The following RERE variants were observed in gnomAD, a reference collection of about 807,000 sequenced individuals.
RERE encodes arginine-glutamic acid dipeptide repeats.
RERE carries 40 observed loss-of-function variants against 146.1 expected under a neutral mutation model. The observed-to-expected ratio is 0.27, with a 90% CI of 0.21 to 0.36. RERE has a LOEUF of 0.36. Ranked by LOEUF, RERE falls within the 10% of genes least tolerant of loss-of-function variation. The pLI is 1.00. For synonymous variants in RERE, 1,003 were observed against 866.0 expected, an observed-to-expected ratio of 1.16 and a Z score of -2.78; for missense variants, 1,933 against 2,138.7, an observed-to-expected ratio of 0.90 and a Z score of 1.90.
intron 7 of RERE, among the ~76,000 whole-genome samples, chr1:8,534,578 A>G (rs1645699928): frequency 6.6e-6 from 1 of 152,202 alleles, no homozygotes; most frequent in Admixed American, 6.5e-5. Context: ...GCTTTAAAAT[A>G]TCATTCTCCA....
At chr1:8,687,665 A>C (rs1639120532) in intron 1 of RERE, among the ~76,000 whole-genome samples, 1 of 152,242 alleles carries the variant, frequency 6.6e-6, no homozygotes, top group African/African-American at 2.4e-5. Flanking sequence ...TAATGTGTTG[A>C]AAGAGATTAC....
intron 1 of RERE, among the ~76,000 whole-genome samples, chr1:8,754,941 T>C (rs1640607503): frequency 6.6e-6 from 1 of 152,242 alleles, no homozygotes; most frequent in African/African-American, 2.4e-5. Flanking sequence ...CAAGCCTCAA[T>C]AAACCCCTAA....
At chr1:8,749,796 G>A (rs191287327) in intron 1 of RERE, among the ~76,000 whole-genome samples, 1 of 152,260 alleles carries the variant, frequency 6.6e-6, no homozygotes, top group African/African-American at 2.4e-5. Flanking sequence ...GGGTTTTAAG[G>A]AAGAGAACGA....
chr1:8,767,349 T>G (rs1327524808), intron 1 of RERE, among the ~76,000 whole-genome samples: 1 of 152,208 alleles, frequency 6.6e-6, no homozygotes, highest in African/African-American at 2.4e-5. Flanking sequence ...ATGCCTGTAA[T>G]CCCAATACTT....
At chr1:8,551,451 C>T (rs935353756) in intron 6 of RERE, among the ~76,000 whole-genome samples, 1 of 152,220 alleles carries the variant, frequency 6.6e-6, no homozygotes, top group African/African-American at 2.4e-5. Context: ...CTAAGCTGAA[C>T]TCTTCTCCAT....
chr1:8,490,667 T>G (rs1222676334), intron 10 of RERE, among the ~76,000 whole-genome samples: 1 of 150,444 alleles, frequency 6.6e-6, no homozygotes, highest in Non-Finnish European at 1.5e-5. Context: ...AAAATCCTTA[T>G]GCCCAAAGAA....
chr1:8,404,462 T>C (rs1365477190), intron 12 of RERE, among the ~76,000 whole-genome samples: 1 of 152,026 alleles, frequency 6.6e-6, no homozygotes, highest in Non-Finnish European at 1.5e-5. Context: ...AGTCTCACTA[T>C]GTTCAGACTG....
At chr1:8,488,077 T>G (rs939699220) in intron 10 of RERE, among the ~76,000 whole-genome samples, 2 of 121,064 alleles carry the variant, frequency 1.7e-5, no homozygotes, top group African/African-American at 6.0e-5. Flanking sequence ...TCTTTAAATT[T>G]TTTTTAATCA....
At chr1:8,589,625 T>C (rs1350725078) in intron 4 of RERE, among the ~76,000 whole-genome samples, 1 of 152,234 alleles carries the variant, frequency 6.6e-6, no homozygotes, top group Non-Finnish European at 1.5e-5. Context: ...GATTAGGTCT[T>C]GCTCTCAAAT....
At chr1:8,741,774 T>A (rs957914692) in intron 1 of RERE, among the ~76,000 whole-genome samples, 3 of 152,156 alleles carry the variant, frequency 2.0e-5, no homozygotes, top group Admixed American at 2.0e-4. Context: ...CAGACTAATA[T>A]AAGGGGAAGC....
At chr1:8,561,898 G>A (rs894367114) in intron 4 of RERE, among the ~76,000 whole-genome samples, 2 of 152,184 alleles carry the variant, frequency 1.3e-5, no homozygotes, top group African/African-American at 2.4e-5. Flanking sequence ...AAAGCCAGAC[G>A]TGAATTTAGA....
In RERE at chr1:8,364,338, G is replaced by T; in HGVS notation, c.1541-83C>A. ...TCTGGGCAGAGGGGCCCTTCTGTGG[G>T]CTCTACCCAAACCTGATGCCACCAG... On this transcript the variant is annotated intron_variant, in intron 14 of 22. Transcript: ENST00000400908. The surrounding 1 kb of genome is among the most constrained non-coding windows in gnomAD (Gnocchi z 5.1). 7.9e-7 allele frequency: 1 copy of T among 1,270,332 alleles called. No homozygotes were observed. Among genetic ancestry groups the T allele is most frequent in the Non-Finnish European group, 1.1e-6 (1 of 878,238 alleles). 78.7% of individuals were successfully genotyped at this position (1,270,332 alleles called of 1,614,324 possible).
chr1:8,423,971 CAGG>C lies in RERE; in HGVS notation c.1204-1167_1204-1165del, dbSNP rs1236530199. The C allele has an allele frequency of 6.6e-6, 1 of 151,574 alleles. No individual in the cohort carries two copies. Among genetic ancestry groups the C allele is most frequent in the Non-Finnish European group, 1.5e-5 (1 of 67,878 alleles). 9.4% of individuals were successfully genotyped at this position (151,574 alleles called of 1,614,324 possible). A position where few individuals can be genotyped will look rare whatever the true frequency, so the allele number is the denominator to read the frequency against. On this transcript the variant is annotated intron_variant, in intron 11 of 22. Coordinates refer to ENST00000400908, the MANE Select transcript of RERE (RefSeq NM_001042681.2). This position sits in a 1 kb window ranked among gnomAD's most constrained non-coding sequence, Gnocchi z 5.4. ...CTGGAATCTGTGTCCTCCTTCCGGA[CAGG>C]AGAACATCAAGGCGGTAAAGCACAG...
intron 2 of RERE, among the ~76,000 whole-genome samples, chr1:8,627,216 T>C (rs935586811): frequency 7.2e-5 from 11 of 152,228 alleles, no homozygotes; most frequent in Admixed American, 7.2e-4. Flanking sequence ...TCAAGTTATT[T>C]GGCAGTAAGG....
chr1:8,353,132 T>C lies in RERE; in HGVS notation c.*1955A>G, dbSNP rs1395662212. 6.6e-6 allele frequency: 1 copy of C among 152,514 alleles called. No homozygotes were observed. Among genetic ancestry groups the C allele is most frequent in the Non-Finnish European group, 1.5e-5 (1 of 68,044 alleles). The allele number at this position is 152,514 out of a possible 1,614,324, so 9.4% of individuals were successfully genotyped here. ...AAGGAAACGAATGCCTTCAAGCCAA[T>C]GTGGCCTGAAGTCCCACGACAAAAG... On this transcript the variant is annotated 3_prime_UTR_variant, in exon 23 of 23. Coordinates refer to ENST00000400908, the MANE Select transcript of RERE (RefSeq NM_001042681.2).
At chr1:8,497,272 G>T in intron 9 of RERE, 133 bp downstream of exon 9, 1 of 866,926 alleles carries the variant, frequency 1.2e-6, no homozygotes, top group Non-Finnish European at 1.8e-6. Flanking sequence ...CGATTACAGA[G>T]GGTGTAACCA....
intron 11 of RERE, among the ~76,000 whole-genome samples, chr1:8,436,817 C>T (rs951307600): frequency 2.0e-5 from 3 of 152,126 alleles, no homozygotes; most frequent in Non-Finnish European, 4.4e-5. Context: ...TCTTCCTGCT[C>T]AGTCTTTGAA....
chr1:8,492,437 C>G (rs1220402832), intron 10 of RERE, among the ~76,000 whole-genome samples: 1 of 152,098 alleles, frequency 6.6e-6, no homozygotes, highest in Non-Finnish European at 1.5e-5. Context: ...GTTATGAAAG[C>G]AGGATTTTTT....
chr1:8,463,375 A>G (rs947098743), intron 11 of RERE, among the ~76,000 whole-genome samples: 1 of 152,240 alleles, frequency 6.6e-6, no homozygotes, highest in Non-Finnish European at 1.5e-5. Flanking sequence ...GTTAAGGATC[A>G]TTATTCCATA....
Sources: allele counts gnomAD v4.1 joint callset (sites outside exome capture counted in the v4.1 genomes callset), GRCh38; gene constraint gnomAD v4.1.1; non-coding constraint Gnocchi (gnomAD v3.1); transcripts MANE v1.5; gene names NCBI Gene and HGNC (gene_info 2026-07-23, HGNC 2026-07-21).